The following LTBP1 variants were observed in gnomAD, a reference collection of about 807,000 sequenced individuals.
LTBP1 encodes the protein latent-transforming growth factor beta-binding protein 1.
LTBP1 carries 129 observed loss-of-function variants against 207.6 expected under a neutral mutation model. The ratio of observed to expected loss-of-function variants is 0.62; its 90% CI spans 0.54 to 0.72. LTBP1 has a LOEUF of 0.72. LTBP1 is among the 30% of genes least tolerant of loss of function. LTBP1 has a pLI of 0.00. For missense variants in LTBP1, 2,281 were observed against 2,217.2 expected, an observed-to-expected ratio of 1.03 and a Z score of -0.58; for synonymous variants, 963 against 833.7, an observed-to-expected ratio of 1.16 and a Z score of -2.67.
At position 33,324,978 on chromosome 2, in the gene LTBP1, T is replaced by G. The variant is rs1025620870; in HGVS notation, c.3730+9709T>G. On this transcript the variant is annotated intron_variant, in intron 24 of 33. Transcript: ENST00000404816. Reference sequence around the variant, plus strand: ...CCTCGGCCTCCCAAAGTGCTGAGATTACAGGCGTGAGCCACCGCACCTGGC... The same window carrying G: ...CCTCGGCCTCCCAAAGTGCTGAGATGACAGGCGTGAGCCACCGCACCTGGC... Among the ~76,000 whole-genome samples, 3 of 152,248 alleles carry G rather than the reference T, an allele frequency of 2.0e-5. No individual in the cohort carries two copies. In the East Asian group the frequency reaches 5.8e-4, roughly 29 times the overall value.
intron 5 of LTBP1, among the ~76,000 whole-genome samples, chr2:33,184,908 A>G (rs1346334730): frequency 2.0e-5 from 3 of 152,048 alleles, no homozygotes; most frequent in South Asian, 2.1e-4. Context: ...GTAGTCAGTC[A>G]GTTGTAATGC....
chr2:33,147,306 C>A (rs1425757916), intron 5 of LTBP1, among the ~76,000 whole-genome samples: 1 of 152,148 alleles, frequency 6.6e-6, no homozygotes, highest in Non-Finnish European at 1.5e-5. Context: ...GCTTATTACC[C>A]TTTAATGTCC....
intron 18 of LTBP1, among the ~76,000 whole-genome samples, chr2:33,277,476 T>C (rs186386357): frequency 6.6e-6 from 1 of 152,302 alleles, no homozygotes; most frequent in East Asian, 1.9e-4. Context: ...TAGTACATCA[T>C]CTGTAAAATA....
rs745445793 is a variant in LTBP1, at chr2:33,341,729, A to AAAAT, written c.3731-1108_3731-1107insAATA. Among the ~76,000 whole-genome samples the AAAAT allele has an allele frequency of 2.7e-3, 250 of 93,608 alleles. 3 individuals carry two copies. Among genetic ancestry groups the AAAAT allele is most frequent in the African/African-American group, 0.012 (228 of 19,618 alleles). The allele number at this position is 93,608 out of a possible 152,430, so 61.4% of individuals were successfully genotyped here. A position where few individuals can be genotyped will look rare whatever the true frequency, so the allele number is the denominator to read the frequency against. ...CCGTCTCACTCAAAAAAAAAAAAAA[A>AAAAT]ATATATATATATATATGTATATTTA... On this transcript the variant is annotated intron_variant, in intron 24 of 33. Coordinates refer to ENST00000404816, the MANE Select transcript of LTBP1 (RefSeq NM_206943.4).
At chr2:33,084,194 G>C (rs1458819768) in intron 3 of LTBP1, among the ~76,000 whole-genome samples, 1 of 152,202 alleles carries the variant, frequency 6.6e-6, no homozygotes, top group Non-Finnish European at 1.5e-5. Flanking sequence ...GCTGAAACTT[G>C]ATGAGTCTGC....
At chr2:33,170,337 G>A (rs985311018) in intron 5 of LTBP1, among the ~76,000 whole-genome samples, 18 of 151,612 alleles carry the variant, frequency 1.2e-4, no homozygotes, top group East Asian at 1.9e-4. Flanking sequence ...AAAAAACGGC[G>A]CACCACGAGA....
chr2:32,950,754 GGCAGAA>G (rs1676982889), intron 2 of LTBP1, among the ~76,000 whole-genome samples: 2 of 152,136 alleles, frequency 1.3e-5, no homozygotes, highest in Non-Finnish European at 2.9e-5. Context: ...TTTACAGATA[GGCAGAA>G]GCTCCTTGAT....
At chr2:33,057,505 G>A (rs532482564) in intron 3 of LTBP1, among the ~76,000 whole-genome samples, 11 of 152,342 alleles carry the variant, frequency 7.2e-5, no homozygotes, top group South Asian at 4.1e-4. Context: ...GGCTCAGGCC[G>A]CACAGGAGCC....
At chr2:33,386,626 C>A (rs2095267548) in intron 31 of LTBP1, among the ~76,000 whole-genome samples, 1 of 152,066 alleles carries the variant, frequency 6.6e-6, no homozygotes, top group African/African-American at 2.4e-5. Flanking sequence ...GAAGTTGAGA[C>A]CAGCTTGGGC....
intron 2 of LTBP1, among the ~76,000 whole-genome samples, chr2:32,962,182 C>G (rs942767694): frequency 4.6e-5 from 7 of 152,120 alleles, no homozygotes; most frequent in African/African-American, 1.2e-4. Context: ...AACAATGTCT[C>G]TGGTACACCT....
chr2:33,073,028 C>G (rs1398209139), intron 3 of LTBP1, among the ~76,000 whole-genome samples: 1 of 152,186 alleles, frequency 6.6e-6, no homozygotes, highest in Non-Finnish European at 1.5e-5. Flanking sequence ...CAGAGCCGGG[C>G]AACGTGACCA....
chr2:33,008,307 G>A (rs559098415), intron 2 of LTBP1, among the ~76,000 whole-genome samples: 9 of 152,218 alleles, frequency 5.9e-5, no homozygotes, highest in East Asian at 3.9e-4. Flanking sequence ...TCATATAGTC[G>A]AGTGAATAGT....
chr2:33,359,819 G>C (rs1331395030), intron 26 of LTBP1, among the ~76,000 whole-genome samples: 1 of 152,170 alleles, frequency 6.6e-6, no homozygotes, highest in African/African-American at 2.4e-5. Context: ...TTTCGTATCT[G>C]ATTGAATTCA....
At chr2:33,225,672 C>T (rs2091392726) in intron 9 of LTBP1, among the ~76,000 whole-genome samples, 1 of 152,204 alleles carries the variant, frequency 6.6e-6, no homozygotes, top group Non-Finnish European at 1.5e-5. Context: ...GGTGGGGATA[C>T]AGCCAAATGA....
intron 21 of LTBP1, among the ~76,000 whole-genome samples, chr2:33,301,304 T>C (rs2093985124): frequency 6.6e-6 from 1 of 152,200 alleles, no homozygotes; most frequent in South Asian, 2.1e-4. Flanking sequence ...ATAAGGCCAT[T>C]GTTTCATAAA....
chr2:33,273,987 C>T (rs933393751), intron 16 of LTBP1, among the ~76,000 whole-genome samples: 5 of 152,118 alleles, frequency 3.3e-5, no homozygotes, highest in South Asian at 4.2e-4. Context: ...TTGTTTACCT[C>T]GCAAATGTAA....
chr2:33,167,803 G>C (rs2085061417), intron 5 of LTBP1, among the ~76,000 whole-genome samples: 2 of 152,234 alleles, frequency 1.3e-5, no homozygotes, highest in Non-Finnish European at 2.9e-5. Flanking sequence ...GCAGCAGAGA[G>C]AGATGAGACT....
intron 24 of LTBP1, among the ~76,000 whole-genome samples, chr2:33,338,067 T>C (rs1333776184): frequency 6.6e-6 from 1 of 152,244 alleles, no homozygotes; most frequent in African/African-American, 2.4e-5. Context: ...AAATGTCCTC[T>C]TATTAAGCTA....
intron 25 of LTBP1, among the ~76,000 whole-genome samples, chr2:33,346,258 A>G (rs937652939): frequency 1.3e-5 from 2 of 152,178 alleles, no homozygotes; most frequent in Admixed American, 6.5e-5. Flanking sequence ...TCTGAATTCT[A>G]TTGATAATTA....
Sources: gnomAD v4.1 joint callset for allele counts (sites outside exome capture counted in the v4.1 genomes callset) on GRCh38, gnomAD v4.1.1 for gene constraint, MANE v1.5 for transcripts, NCBI Gene and HGNC (gene_info 2026-07-23, HGNC 2026-07-21) for gene names.